The following DACH1 variants were observed in gnomAD, a reference collection of about 807,000 sequenced individuals.
The protein encoded by DACH1 is dachshund family transcription factor 1, also known as dachshund homolog 1.
In DACH1, 12 loss-of-function variants were observed where a neutral mutation model predicts 54.2. The ratio of observed to expected loss-of-function variants is 0.22; its 90% confidence interval spans 0.14 to 0.36. DACH1 has a LOEUF of 0.36. Ranked by LOEUF, DACH1 falls within the 10% of genes least tolerant of loss-of-function variation. DACH1 has a pLI of 1.00. For synonymous variants in DACH1, 386 were observed against 366.2 expected (o/e 1.05, Z -0.62); for missense variants, 805 against 929.8 (o/e 0.87, Z 1.75).
chr13:71,517,560 T>C (rs1405443287), intron 6 of DACH1, among the ~76,000 whole-genome samples: 1 of 151,848 alleles, frequency 6.6e-6, no homozygotes, highest in African/African-American at 2.4e-5. Flanking sequence ...AGAAGCCAAA[T>C]ACACATGGAT....
intron 6 of DACH1, among the ~76,000 whole-genome samples, chr13:71,491,778 C>G (rs545044884): frequency 2.9e-4 from 44 of 152,216 alleles, no homozygotes; most frequent in Non-Finnish European, 5.4e-4. Flanking sequence ...TTTCGTTTAG[C>G]TCTTCCTACA....
Position 71,557,163 on chromosome 13 carries a change from T to G in DACH1, c.1436-5A>C. The G allele has an allele frequency of 1.3e-6, 2 of 1,596,274 alleles. No homozygotes were observed. The highest frequency in any genetic ancestry group is 1.7e-6 in the Non-Finnish European group (2 of 1,174,058). ...ACAACCCATTCTGATGGACCGCTAT[T>G]ATGGCCCAAAAGAAAACAAACAAAA... On this transcript the variant is annotated splice_region_variant and splice_polypyrimidine_tract_variant and intron_variant, in intron 5 of 10. Coordinates refer to ENST00000613252, the MANE Select transcript of DACH1 (RefSeq NM_080759.6).
At chr13:71,585,621 A>G (rs1873190874) in intron 3 of DACH1, among the ~76,000 whole-genome samples, 1 of 152,130 alleles carries the variant, frequency 6.6e-6, no homozygotes, top group African/African-American at 2.4e-5. Flanking sequence ...TCAATTGACT[A>G]GAGGAGAGAA....
chr13:71,690,504 T>A (rs891821868), intron 1 of DACH1, among the ~76,000 whole-genome samples: 3 of 152,186 alleles, frequency 2.0e-5, no homozygotes, highest in Non-Finnish European at 4.4e-5. Flanking sequence ...AAAGAACAAA[T>A]TCTGAAATAA....
intron 1 of DACH1, among the ~76,000 whole-genome samples, chr13:71,777,257 A>G (rs1566493488): frequency 6.6e-6 from 1 of 151,188 alleles, no homozygotes; most frequent in East Asian, 2.0e-4. Context: ...CGTACGGTAT[A>G]GCCTTAAAGA....
chr13:71,532,689 G>A (rs1315344794), intron 6 of DACH1, among the ~76,000 whole-genome samples: 3 of 151,690 alleles, frequency 2.0e-5, no homozygotes, highest in African/African-American at 4.8e-5. Context: ...TCCCCTTTAG[G>A]GAAATAGATT....
intron 1 of DACH1, among the ~76,000 whole-genome samples, chr13:71,748,620 C>T (rs994083722): frequency 4.6e-5 from 7 of 152,148 alleles, no homozygotes; most frequent in Non-Finnish European, 8.8e-5. Context: ...TATAGCAATC[C>T]TCATTCCCAG....
chr13:71,472,011 C>T (rs2138164330), intron 10 of DACH1, among the ~76,000 whole-genome samples: 1 of 152,182 alleles, frequency 6.6e-6, no homozygotes. Flanking sequence ...TTCAAAAGAT[C>T]TTAGAGAAAT....
At chr13:71,860,738 A>C (rs1874297694) in intron 1 of DACH1, among the ~76,000 whole-genome samples, 1 of 151,948 alleles carries the variant, frequency 6.6e-6, no homozygotes, top group Non-Finnish European at 1.5e-5. Context: ...AATCGAAATG[A>C]CTATTTTACT....
At position 71,866,473 on chromosome 13, in the gene DACH1, G is replaced by A. The variant is rs1284950519; in HGVS notation, c.297C>T (p.Gly99=). The A allele has an allele frequency of 1.3e-5, 16 of 1,247,350 alleles. No individual in the cohort carries two copies. Among genetic ancestry groups the A allele is most frequent in the South Asian group, 8.9e-5 (3 of 33,726 alleles). 77.3% of individuals were successfully genotyped at this position (1,247,350 alleles called of 1,614,324 possible). The change falls in exon 1 of 11, where the codon GGC becomes GGT. Residue 99 remains glycine (G), a synonymous_variant. Coordinates refer to ENST00000613252, the MANE Select transcript of DACH1 (RefSeq NM_080759.6). ...GGTTGGGGTTGCAGTTGCTGCCACC[G>A]CCGCCGCCGCCACCGCCGCCTCCGT... ...SGNGGGGGGG[G]GGSNCNPNLA... is the part of the protein sequence containing the mutation.
intron 1 of DACH1, among the ~76,000 whole-genome samples, chr13:71,731,461 T>A (rs1374385368): frequency 6.6e-6 from 1 of 152,092 alleles, no homozygotes; most frequent in African/African-American, 2.4e-5. Flanking sequence ...CGTTTTGTAT[T>A]TTTAATAGAG....
chr13:71,650,077 T>TAA (rs1878567177), intron 2 of DACH1, among the ~76,000 whole-genome samples: 1 of 152,186 alleles, frequency 6.6e-6, no homozygotes, highest in Non-Finnish European at 1.5e-5. Context: ...TTGGAGCCCC[T>TAA]AAATATGCTC....
rs1880779012 is a variant in DACH1 at position 71,679,689 on chromosome 13, A to G, written c.964+2106T>C. ...TTCACACTTGAGTCTTTCAGCTATA[A>G]AACATGAAAAGTTGGCCAGGCGCAG... On this transcript the variant is annotated intron_variant, in intron 2 of 10. Transcript: ENST00000613252. Among the ~76,000 whole-genome samples, 6 of 152,226 alleles carry G rather than the reference A, an allele frequency of 3.9e-5. No individual in the cohort carries two copies. In the South Asian group the frequency reaches 1.2e-3, roughly 32 times the overall value.
intron 3 of DACH1, among the ~76,000 whole-genome samples, chr13:71,595,447 T>G (rs1401009305): frequency 6.6e-6 from 1 of 152,118 alleles, no homozygotes; most frequent in Non-Finnish European, 1.5e-5. Context: ...GGGAGGAAGC[T>G]TGGAACTGAG....
At chr13:71,779,210 T>TAC (rs1566494966) in intron 1 of DACH1, among the ~76,000 whole-genome samples, 1 of 104,546 alleles carries the variant, frequency 9.6e-6, no homozygotes, top group Non-Finnish European at 1.8e-5. Flanking sequence ...TATATGTGTA[T>TAC]ATATATACGT....
At chr13:71,505,174 C>T (rs1929202) in intron 6 of DACH1, among the ~76,000 whole-genome samples, 128,541 of 152,002 alleles carry the variant, frequency 0.85, 57,920 homozygotes, top group Non-Finnish European at 0.99. Flanking sequence ...CGTCCGGCTC[C>T]GAAGTTCAGG....
At chr13:71,722,896 A>C (rs1262789201) in intron 1 of DACH1, among the ~76,000 whole-genome samples, 1 of 152,056 alleles carries the variant, frequency 6.6e-6, no homozygotes, top group East Asian at 1.9e-4. Context: ...GAGGATTCTT[A>C]TCACCTCCTC....
At chr13:71,605,174 A>C (rs1338853827) in intron 3 of DACH1, among the ~76,000 whole-genome samples, 1 of 151,952 alleles carries the variant, frequency 6.6e-6, no homozygotes, top group Non-Finnish European at 1.5e-5. Context: ...AAAGATGACT[A>C]TGCCTGTATA....
chr13:71,453,424 T>C (rs1875259351), intron 10 of DACH1, among the ~76,000 whole-genome samples: 1 of 152,154 alleles, frequency 6.6e-6, no homozygotes, highest in Admixed American at 6.6e-5. Context: ...TTCAAGCCTT[T>C]ATATCTTTTC....
Sources: gnomAD v4.1 joint callset for allele counts (sites outside exome capture counted in the v4.1 genomes callset) on GRCh38, gnomAD v4.1.1 for gene constraint, MANE v1.5 for transcripts, NCBI Gene and HGNC (gene_info 2026-07-23, HGNC 2026-07-21) for gene names.